Variants in CERS2 observed in about 807,000 individuals in gnomAD.
CERS2 encodes ceramide synthase 2, also known as LAG1 homolog, ceramide synthase 2.
CERS2 carries 20 observed loss-of-function variants against 56.6 expected under a neutral mutation model. That is an observed-to-expected ratio of 0.35 (90% confidence interval 0.25 to 0.51). CERS2 has a LOEUF of 0.51. CERS2 is among the 20% of genes least tolerant of loss of function. The pLI, the probability that CERS2 is intolerant of heterozygous loss-of-function variation, is 0.96. For synonymous variants in CERS2, 187 were observed against 175.4 expected (o/e 1.07, Z -0.52); for missense variants, 361 against 488.6 (o/e 0.74, Z 2.46).
intron 10 of CERS2, 94 bp from the exon 11 acceptor site, chr1:150,966,382 C>T (rs1671016017): frequency 5.6e-6 from 9 of 1,598,134 alleles, no homozygotes; most frequent in Middle Eastern, 1.7e-4. Flanking sequence ...ATACCCAGGG[C>T]TCCACACTAG....
chr1:150,972,028 G>A (rs1270347885), intron 1 of CERS2: 2 of 412,690 alleles, frequency 4.8e-6, no homozygotes, highest in East Asian at 1.4e-4. Context: ...AGCCCCTGCT[G>A]GACTCCTGGG....
chr1:150,971,879 C>A (rs767181972), intron 1 of CERS2: 5 of 471,066 alleles, frequency 1.1e-5, no homozygotes, highest in Non-Finnish European at 2.2e-5. Flanking sequence ...CCCAACTTCT[C>A]CAGGGAAATG....
chr1:150,972,190 T>A (rs916906225), intron 1 of CERS2, among the ~76,000 whole-genome samples: 11 of 151,158 alleles, frequency 7.3e-5, no homozygotes, highest in Non-Finnish European at 1.0e-4. Context: ...GCAGGGAGAG[T>A]GGAAGACTTG....
chr1:150,971,760 CG>C (rs983090330), intron 1 of CERS2: 2 of 432,664 alleles, frequency 4.6e-6, no homozygotes, highest in Non-Finnish European at 9.6e-6. Flanking sequence ...AGGGACAATG[CG>C]GAACACTTTG....
At position 150,973,449 on chromosome 1, in the gene CERS2, C is replaced by T. The variant is rs587641104; in HGVS notation, c.-2+1170G>A. ...GCCAGTGACAGGGGTAAAAGGAGGC[C>T]CTTCCTCCCAGGGGAAAATCTGGCC... On this transcript the variant is annotated intron_variant, in intron 1 of 10. Transcript: ENST00000368954. 5.3e-5 allele frequency among the ~76,000 whole-genome samples: 8 copies of T among 152,296 alleles called. No individual in the cohort carries two copies. The East Asian group carries it at 1.5e-3, about 29-fold the overall frequency.
At chr1:150,969,291 T>A (rs1392197489) in intron 1 of CERS2, 200 bp from the exon 2 acceptor site, 5 of 572,584 alleles carry the variant, frequency 8.7e-6, no homozygotes, top group Non-Finnish European at 1.6e-5. Context: ...ACATTTACTG[T>A]TAGGCCGGCC....
chr1:150,966,876 C>T lies in CERS2; in HGVS notation c.742-14G>A. ...CATCTTGGCTGACTGCATAGAGAGCCCCCATCCATCATCATGGGCTCCTGA... is the reference window on the plus strand; with the variant it reads ...CATCTTGGCTGACTGCATAGAGAGCTCCCATCCATCATCATGGGCTCCTGA... On this transcript the variant is annotated splice_polypyrimidine_tract_variant and intron_variant, in intron 8 of 10. Transcript: ENST00000368954. 2 of 1,590,658 alleles carry T rather than the reference C, an allele frequency of 1.3e-6. No homozygotes were observed. The highest frequency in any genetic ancestry group is 1.7e-6 in the Non-Finnish European group (2 of 1,159,014).
intron 1 of CERS2, 109 bp downstream of exon 1, chr1:150,974,510 G>T (rs977050421): frequency 6.8e-6 from 1 of 148,066 alleles, no homozygotes; most frequent in South Asian, 1.9e-4. Context: ...TTCCCAGCCC[G>T]ACCCCTCCGC....
Position 150,967,817 on chromosome 1 carries a change from C to A in CERS2, c.468+3G>T. 1 of 1,613,482 alleles carries A rather than the reference C, an allele frequency of 6.2e-7. No homozygotes were observed. Among genetic ancestry groups the A allele is most frequent in the Non-Finnish European group, 8.5e-7 (1 of 1,179,366 alleles). ...CTCCCACCTCCCAGTAATCCCCACTCACATCCACAATGACGGCCATGCCGG... is the reference window on the plus strand; with the variant it reads ...CTCCCACCTCCCAGTAATCCCCACTAACATCCACAATGACGGCCATGCCGG... On this transcript the variant is annotated splice_donor_region_variant and intron_variant, in intron 5 of 10. Transcript: ENST00000368954.
intron 1 of CERS2, chr1:150,969,432 G>A (rs137867073): frequency 1.1e-3 from 249 of 226,636 alleles, no homozygotes; most frequent in East Asian, 8.9e-3. Context: ...AAAACTAGCT[G>A]GGTGTGGTGG....
rs761166508 is a variant in CERS2, at chr1:150,966,526, A to G, written c.952T>C (p.Phe318Leu). ...ATGCGCAAAATGAGGTAGGCCCAGA[A>G]GATATGCAGCAGCTGTAGAACTCCC... ...MMGVLQLLHI[F>L]WAYLILRMAH... The change falls in exon 10 of 11, where the codon TTC becomes CTC. Residue 318 changes from phenylalanine (F) to leucine (L), a missense_variant. This residue lies in a region of CERS2 where 122 missense variants were observed against 151.9 expected (regional missense o/e 0.80). Coordinates refer to ENST00000368954, the MANE Select transcript of CERS2 (RefSeq NM_022075.5). The G allele has an allele frequency of 3.2e-5, 51 of 1,614,064 alleles. No homozygotes were observed. Among genetic ancestry groups the G allele is most frequent in the Non-Finnish European group, 4.2e-5 (50 of 1,180,044 alleles).
At chr1:150,966,915 A>G (rs1212685538) in intron 8 of CERS2, 53 bp from the exon 9 acceptor site, 6 of 1,458,106 alleles carry the variant, frequency 4.1e-6, no homozygotes, top group Middle Eastern at 2.0e-4. Flanking sequence ...CCTCGAGTAC[A>G]TTCATATGTA....
chr1:150,965,998 C>A lies in CERS2; in HGVS notation c.*150G>T. 1.2e-6 allele frequency: 1 copy of A among 840,776 alleles called. No individual in the cohort carries two copies. Among genetic ancestry groups the A allele is most frequent in the South Asian group, 1.9e-5 (1 of 52,238 alleles). The allele number at this position is 840,776 out of a possible 1,614,324, so 52.1% of individuals were successfully genotyped here. A position where few individuals can be genotyped will look rare whatever the true frequency, so the allele number is the denominator to read the frequency against. ...GGCTGGTTAGAATTTGGTTTAAAGG[C>A]AACTGGGTGACAAGCAAGGAGGGAG... On this transcript the variant is annotated 3_prime_UTR_variant, in exon 11 of 11. Transcript: ENST00000368954.
rs1671103925 is a variant in CERS2 at position 150,968,863 on chromosome 1, C to T, written c.173+55G>A. ...AACAGCAAGGAACAAACTTGAAGTC[C>T]AAGAAACTGCAACTGGCAACAGGGG... On this transcript the variant is annotated intron_variant, in intron 2 of 10. Transcript: ENST00000368954. 10 of 1,546,302 alleles carry T rather than the reference C, an allele frequency of 6.5e-6. No individual in the cohort carries two copies. In the Admixed American group the frequency reaches 8.6e-5, roughly 13 times the overall value.
In CERS2 at chr1:150,966,262, C is replaced by T. The variant is rs370703954; in HGVS notation, c.1029G>A (p.Arg343=). The change falls in exon 11 of 11, where the codon CGG becomes CGA. Residue 343 remains arginine, a synonymous_variant. Coordinates refer to ENST00000368954, the MANE Select transcript of CERS2 (RefSeq NM_022075.5). ...GKLVEDERSD[R]EETESSEGEE... ...CCCCCTCTGAGCTCTCTGTTTCTTC[C>T]CGGTCACTGCGTTCATCTTCTACCA... 2.5e-5 allele frequency: 40 copies of T among 1,611,212 alleles called. No individual in the cohort carries two copies. The Admixed American group carries it at 3.4e-4, about 14-fold the overall frequency.
rs1670988558 is a variant in CERS2, at chr1:150,965,697, T to G, written c.*451A>C. 6.4e-6 allele frequency: 1 copy of G among 155,696 alleles called. No homozygotes were observed. Among genetic ancestry groups the G allele is most frequent in the Admixed American group, 6.5e-5 (1 of 15,366 alleles). The allele number at this position is 155,696 out of a possible 1,614,324, so 9.6% of individuals were successfully genotyped here. On this transcript the variant is annotated 3_prime_UTR_variant, in exon 11 of 11. Coordinates refer to ENST00000368954, the MANE Select transcript of CERS2 (RefSeq NM_022075.5). ...CTCAGCTTTGGTTTCTGGCCCAAGT[T>G]AGGGAGCTTAGAAAGGTTAGCCTTG...
chr1:150,968,479 G>A lies in CERS2; in HGVS notation c.207C>T (p.Asn69=). Residue 69 remains asparagine (N), a synonymous_variant, in exon 3 of 11, where the codon AAC becomes AAT. Transcript: ENST00000368954. ...CCCGCAGCCGAGTTTTCTCCTTTAT[G>A]TTCAAGAGGGCAGCCAGTGGTGTAG... ...YVATPLAALL[N]IKEKTRLRAP... 6.2e-7 allele frequency: 1 copy of A among 1,614,148 alleles called. No individual in the cohort carries two copies. Among genetic ancestry groups the A allele is most frequent in the South Asian group, 1.1e-5 (1 of 91,086 alleles).
At chr1:150,973,343 C>A (rs1177923528) in intron 1 of CERS2, among the ~76,000 whole-genome samples, 1 of 152,252 alleles carries the variant, frequency 6.6e-6, no homozygotes, top group Non-Finnish European at 1.5e-5. Context: ...ACTATGGCCC[C>A]AGGGGCAGGG....
Position 150,965,191 on chromosome 1 carries a change from A to C in CERS2, c.*957T>G, listed in dbSNP as rs1670965924. On this transcript the variant is annotated 3_prime_UTR_variant, in exon 11 of 11. Coordinates refer to ENST00000368954, the MANE Select transcript of CERS2 (RefSeq NM_022075.5). ...ACATAACTGCAAGGAAGGCATAAGA[A>C]AGACTCTCTTCGTTTATTTAGTTGA... The C allele has an allele frequency of 6.6e-6, 1 of 152,590 alleles. No homozygotes were observed. Among genetic ancestry groups the C allele is most frequent in the East Asian group, 1.9e-4 (1 of 5,192 alleles). 9.5% of individuals were successfully genotyped at this position (152,590 alleles called of 1,614,324 possible).
Sources: gnomAD v4.1 joint callset for allele counts (sites outside exome capture counted in the v4.1 genomes callset) on GRCh38, gnomAD v4.1.1 for gene constraint, gnomAD v4.1.1 regional missense constraint, MANE v1.5 for transcripts, NCBI Gene and HGNC (gene_info 2026-07-23, HGNC 2026-07-21) for gene names.